ANKRD44: variants seen among roughly 807,000 people sequenced by gnomAD.
ANKRD44 encodes the protein serine/threonine-protein phosphatase 6 regulatory ankyrin repeat subunit B.
A neutral mutation model predicts 116.0 loss-of-function variants in ANKRD44; 35 were observed. The observed-to-expected ratio is 0.30, with a 90% confidence interval of 0.23 to 0.40. ANKRD44 has a LOEUF of 0.40. ANKRD44 is among the 10% of genes least tolerant of loss of function. ANKRD44 has a pLI of 1.00. For missense variants in ANKRD44, 1,014 were observed against 1,242.6 expected (o/e 0.82, Z 2.77); for synonymous variants, 435 against 461.8 (o/e 0.94, Z 0.74).
At chr2:197,098,877 G>A (rs2078225411) in intron 10 of ANKRD44, among the ~76,000 whole-genome samples, 1 of 152,098 alleles carries the variant, frequency 6.6e-6, no homozygotes, top group Non-Finnish European at 1.5e-5. Flanking sequence ...AGCTTGGATT[G>A]GCATCAAGGG....
At chr2:197,050,127 A>G (rs990054712) in intron 16 of ANKRD44, among the ~76,000 whole-genome samples, 1 of 152,172 alleles carries the variant, frequency 6.6e-6, no homozygotes. Flanking sequence ...AGAACTTCAT[A>G]CGGCTGGAGC....
At chr2:197,156,365 C>T (rs2579382) in intron 2 of ANKRD44, among the ~76,000 whole-genome samples, 139,831 of 151,420 alleles carry the variant, frequency 0.92, 65,516 homozygotes, top group East Asian at 1. Context: ...AAAACAGTGC[C>T]CACCGTCATT....
chr2:197,270,680 T>C lies in ANKRD44; in HGVS notation c.27+39898A>G, dbSNP rs113845027. On this transcript the variant is annotated intron_variant, in intron 1 of 27. Coordinates refer to ENST00000282272, the MANE Select transcript of ANKRD44 (RefSeq NM_001195144.2). The stretch of plus-strand genomic sequence containing the variant: ...ATTTCCCAAGGGCCTCCAGTCTCAC[T>C]AGGAAAGTCAGGGAAAGGGAGAGCT... 5.3e-5 allele frequency among the ~76,000 whole-genome samples: 8 copies of C among 152,242 alleles called. 1 individual carries two copies. Among genetic ancestry groups the C allele is most frequent in the African/African-American group, 1.7e-4 (7 of 41,536 alleles).
chr2:197,004,327 G>A (rs2076165443), intron 21 of ANKRD44, among the ~76,000 whole-genome samples: 1 of 151,946 alleles, frequency 6.6e-6, no homozygotes, highest in Non-Finnish European at 1.5e-5. Flanking sequence ...ATCTCTAAGT[G>A]GAAAAAAACA....
chr2:197,076,146 T>C (rs943829452), intron 16 of ANKRD44, among the ~76,000 whole-genome samples: 2 of 152,184 alleles, frequency 1.3e-5, no homozygotes, highest in African/African-American at 2.4e-5. Context: ...CTTGCACAAT[T>C]CCTGCTCAGA....
chr2:197,081,729 C>G lies in ANKRD44; in HGVS notation c.1458-4G>C. The G allele has an allele frequency of 6.2e-7, 1 of 1,611,010 alleles. No individual in the cohort carries two copies. Among genetic ancestry groups the G allele is most frequent in the African/African-American group, 1.3e-5 (1 of 74,896 alleles). ...GGCATTTCCTAAGATAGTCTTACTT[C>G]TCAGCATAAAGGATAGAAAAAAAAA... On this transcript the variant is annotated splice_region_variant and splice_polypyrimidine_tract_variant and intron_variant, in intron 14 of 27. Transcript: ENST00000282272.
At chr2:197,181,607 G>C (rs1559129871) in intron 2 of ANKRD44, among the ~76,000 whole-genome samples, 1 of 152,154 alleles carries the variant, frequency 6.6e-6, no homozygotes, top group Non-Finnish European at 1.5e-5. Context: ...AGGAAAAAAA[G>C]TGCCATGAAC....
intron 2 of ANKRD44, among the ~76,000 whole-genome samples, chr2:197,179,787 C>A (rs558109171): frequency 6.6e-6 from 1 of 152,330 alleles, no homozygotes; most frequent in South Asian, 2.1e-4. Flanking sequence ...GCAAACCAGA[C>A]CTGCCTTTGC....
intron 1 of ANKRD44, among the ~76,000 whole-genome samples, chr2:197,282,078 C>T (rs1177984693): frequency 2.6e-5 from 4 of 152,012 alleles, no homozygotes; most frequent in African/African-American, 7.3e-5. Context: ...AAGGTGAAAC[C>T]CCGTCTCTAC....
chr2:197,296,949 CTG>C (rs1293635074), intron 1 of ANKRD44, among the ~76,000 whole-genome samples: 9 of 152,166 alleles, frequency 5.9e-5, no homozygotes, highest in African/African-American at 2.2e-4. Flanking sequence ...AGACATTCTG[CTG>C]TGATGATTTT....
intron 1 of ANKRD44, among the ~76,000 whole-genome samples, chr2:197,284,402 A>G (rs1182466658): frequency 6.6e-6 from 1 of 152,068 alleles, no homozygotes; most frequent in East Asian, 1.9e-4. Flanking sequence ...AAGGAAAAAA[A>G]CTACTTAAAT....
intron 16 of ANKRD44, among the ~76,000 whole-genome samples, chr2:197,048,763 C>T (rs1003046143): frequency 6.6e-6 from 1 of 151,014 alleles, no homozygotes; most frequent in African/African-American, 2.4e-5. Context: ...AGGAATGCCA[C>T]ACTGTCTTCC....
In ANKRD44 at chr2:197,099,839, T is replaced by G. The variant is rs756883188; in HGVS notation, c.1077A>C (p.Ile359=). 6.2e-7 allele frequency: 1 copy of G among 1,614,210 alleles called. No individual in the cohort carries two copies. The highest frequency in any genetic ancestry group is 8.5e-7 in the Non-Finnish European group (1 of 1,180,024). ...YGHELLINTL[I]TSGADTAKCG... ...ACTTGGCTGTGTCAGCTCCGCTGGT[T>G]ATTAAGGTGTTAATCAAAAGCTCAT... The change falls in exon 10 of 28, where the codon ATA becomes ATC. Residue 359 remains isoleucine (I), a synonymous_variant. Transcript: ENST00000282272.
chr2:197,216,354 A>G (rs2697299), intron 1 of ANKRD44, among the ~76,000 whole-genome samples: 92,145 of 152,064 alleles, frequency 0.61, 29,674 homozygotes, highest in African/African-American at 0.84. Context: ...AGTAATCCAC[A>G]AATTTCTTTG....
rs989470184 is a variant in ANKRD44 at position 196,991,005 on chromosome 2, G to A, written c.2924-1356C>T. 7 of 1,148,134 alleles carry A rather than the reference G, an allele frequency of 6.1e-6. No homozygotes were observed. The African/African-American group carries it at 9.6e-5, about 16-fold the overall frequency. The allele number at this position is 1,148,134 out of a possible 1,614,324, so 71.1% of individuals were successfully genotyped here. The stretch of plus-strand genomic sequence containing the variant: ...GCACGAGCATTCCACAGTACATCTC[G>A]GATGATCTCACAGGCGGAGATGTAT... On this transcript the variant is annotated intron_variant, in intron 27 of 27. Transcript: ENST00000282272.
At chr2:197,184,702 G>A (rs2080610572) in intron 2 of ANKRD44, among the ~76,000 whole-genome samples, 1 of 151,692 alleles carries the variant, frequency 6.6e-6, no homozygotes, top group Non-Finnish European at 1.5e-5. Flanking sequence ...TTCCCTTTGG[G>A]GTGGCAGGAC....
intron 2 of ANKRD44, among the ~76,000 whole-genome samples, chr2:197,164,316 CA>C (rs1163289464): frequency 4.6e-5 from 7 of 152,218 alleles, no homozygotes; most frequent in Non-Finnish European, 1.0e-4. Context: ...CCCTCTCTGG[CA>C]GCACAAGGTC....
intron 15 of ANKRD44, among the ~76,000 whole-genome samples, chr2:197,080,361 T>C (rs1356302556): frequency 6.6e-6 from 1 of 152,196 alleles, no homozygotes; most frequent in Admixed American, 6.5e-5. Flanking sequence ...TTTTGGCAAT[T>C]AAGATGCAAA....
At chr2:197,127,846 G>C (rs1203425601) in intron 4 of ANKRD44, among the ~76,000 whole-genome samples, 1 of 152,114 alleles carries the variant, frequency 6.6e-6, no homozygotes, top group Non-Finnish European at 1.5e-5. Flanking sequence ...AGGCCCCAGT[G>C]TGTGTCGTTC....
Sources: gnomAD v4.1 joint callset for allele counts (sites outside exome capture counted in the v4.1 genomes callset) on GRCh38, gnomAD v4.1.1 for gene constraint, MANE v1.5 for transcripts, NCBI Gene and HGNC (gene_info 2026-07-23, HGNC 2026-07-21) for gene names.